Variants in IQGAP2 observed in about 807,000 individuals in gnomAD.
IQGAP2 encodes IQ motif containing GTPase activating protein 2, also known as ras GTPase-activating-like protein IQGAP2.
IQGAP2 carries 173 observed loss-of-function variants against 201.3 expected under a neutral mutation model. The ratio of observed to expected loss-of-function variants is 0.86; its 90% CI spans 0.76 to 0.98. The LOEUF is 0.98. Ranked by LOEUF, IQGAP2 falls within the 50% of genes least tolerant of loss-of-function variation. The pLI, the probability that IQGAP2 is intolerant of heterozygous loss-of-function variation, is 0.00. For missense variants in IQGAP2, 1,687 were observed against 1,864.8 expected (o/e 0.90, Z 1.76); for synonymous variants, 675 against 673.9 (o/e 1.00, Z -0.03).
chr5:76,559,750 C>T (rs1290098404), intron 2 of IQGAP2, among the ~76,000 whole-genome samples: 2 of 152,158 alleles, frequency 1.3e-5, no homozygotes, highest in Non-Finnish European at 2.9e-5. Context: ...TTCGTGTGGT[C>T]TCCCCAGGTC....
intron 2 of IQGAP2, among the ~76,000 whole-genome samples, chr5:76,492,908 A>G (rs1756646564): frequency 6.6e-6 from 1 of 152,142 alleles, no homozygotes; most frequent in South Asian, 2.1e-4. Context: ...GAAGATTCCA[A>G]CCTGAAGGAA....
At chr5:76,593,530 C>T (rs774656768) in intron 9 of IQGAP2, among the ~76,000 whole-genome samples, 2 of 152,156 alleles carry the variant, frequency 1.3e-5, no homozygotes, top group Non-Finnish European at 2.9e-5. Context: ...GAACAGCAGA[C>T]TCAGGTAATT....
At chr5:76,694,552 A>G (rs1449360715) in intron 31 of IQGAP2, among the ~76,000 whole-genome samples, 1 of 152,228 alleles carries the variant, frequency 6.6e-6, no homozygotes, top group African/African-American at 2.4e-5. Context: ...AAATGGGTAT[A>G]ATAATAGTAC....
chr5:76,478,186 G>C (rs1241038949), intron 2 of IQGAP2, among the ~76,000 whole-genome samples: 1 of 152,082 alleles, frequency 6.6e-6, no homozygotes, highest in African/African-American at 2.4e-5. Flanking sequence ...GATCACCTGA[G>C]GCCAAGAGTT....
In IQGAP2 at chr5:76,606,316, C is replaced by T. The variant is rs765484991; in HGVS notation, c.1357+13C>T. The T allele has an allele frequency of 1.9e-6, 3 of 1,578,526 alleles. No homozygotes were observed. Among genetic ancestry groups the T allele is most frequent in the South Asian group, 2.4e-5 (2 of 83,292 alleles). On this transcript the variant is annotated intron_variant, in intron 12 of 35. Coordinates refer to ENST00000274364, the MANE Select transcript of IQGAP2 (RefSeq NM_006633.5). The stretch of plus-strand genomic sequence containing the variant: ...GAAGAAAATGACCGTAAGTATAAGA[C>T]ACTTTCCTTCTCTAGCATAGTGGGA...
chr5:76,454,597 C>T (rs1753961292), intron 1 of IQGAP2, among the ~76,000 whole-genome samples: 1 of 151,946 alleles, frequency 6.6e-6, no homozygotes, highest in South Asian at 2.1e-4. Flanking sequence ...CCAGTTTCAT[C>T]CATGTCCCTA....
chr5:76,655,339 A>G (rs1194801587), intron 20 of IQGAP2, among the ~76,000 whole-genome samples: 1 of 152,158 alleles, frequency 6.6e-6, no homozygotes, highest in Non-Finnish European at 1.5e-5. Flanking sequence ...AAATAACCTT[A>G]TATTTAAATT....
Position 76,450,509 on chromosome 5 carries a change from TGGAGGTAATAATA to T in IQGAP2, c.47-11047_47-11035del, listed in dbSNP as rs748260332. Among the ~76,000 whole-genome samples, 45 of 152,290 alleles carry T rather than the reference TGGAGGTAATAATA, an allele frequency of 3.0e-4. 1 individual carries two copies. Among genetic ancestry groups the T allele is most frequent in the Non-Finnish European group, 1.6e-4 (11 of 68,030 alleles). The stretch of plus-strand genomic sequence containing the variant: ...TTAACCCATTTGAATCTTAGTTAAG[TGGAGGTAATAATA>T]GGAGGTAATAATATTTGTCCCATCT... On this transcript the variant is annotated intron_variant, in intron 1 of 35. Coordinates refer to ENST00000274364, the MANE Select transcript of IQGAP2 (RefSeq NM_006633.5).
At position 76,549,320 on chromosome 5, in the gene IQGAP2, AGT is replaced by A. The variant is rs35060845; in HGVS notation, c.147-13050_147-13049del. Among the ~76,000 whole-genome samples, 981 of 147,642 alleles carry A rather than the reference AGT, an allele frequency of 6.6e-3. 3 individuals are homozygous for A. Among genetic ancestry groups the A allele is most frequent in the South Asian group, 0.012 (55 of 4,602 alleles). On this transcript the variant is annotated intron_variant, in intron 2 of 35. Coordinates refer to ENST00000274364, the MANE Select transcript of IQGAP2 (RefSeq NM_006633.5). ...TTCAGTCTCAGGCGTCGAGCTCTGG[AGT>A]GTGTGTGTGTGTGTGTGTGTGTGTG... is the stretch of plus-strand genomic sequence containing the variant.
At chr5:76,503,536 C>G (rs1161941889) in intron 2 of IQGAP2, among the ~76,000 whole-genome samples, 2 of 151,746 alleles carry the variant, frequency 1.3e-5, no homozygotes, top group African/African-American at 4.8e-5. Context: ...TGTTGTCATA[C>G]CTTCCTGTGT....
At chr5:76,523,439 C>T (rs1758803664) in intron 2 of IQGAP2, among the ~76,000 whole-genome samples, 1 of 152,086 alleles carries the variant, frequency 6.6e-6, no homozygotes, top group Non-Finnish European at 1.5e-5. Flanking sequence ...TGTTCATTAG[C>T]AATCTCGCCA....
rs751353245 is a variant in IQGAP2, at chr5:76,592,845, G to A, written c.827G>A (p.Cys276Tyr). 2 of 1,604,682 alleles carry A rather than the reference G, an allele frequency of 1.2e-6. No individual in the cohort carries two copies. Among genetic ancestry groups the A allele is most frequent in the Non-Finnish European group, 1.7e-6 (2 of 1,171,728 alleles). Residue 276 changes from cysteine to tyrosine, a missense_variant, in exon 9 of 36, where the codon TGT becomes TAT. Cys to Tyr is a radical substitution (Grantham distance 194). Transcript: ENST00000274364. The part of the protein sequence containing the change: ...KEENARLKNS[C>Y]ISEEERDAYE... The stretch of plus-strand genomic sequence containing the variant: ...GAAGACTTTGTTTTGCAGAATAGCT[G>A]TATTTCAGAAGAAGAAAGAGATGCT...
chr5:76,694,319 C>T (rs1472215), intron 31 of IQGAP2, among the ~76,000 whole-genome samples: 99,855 of 151,916 alleles, frequency 0.66, 33,116 homozygotes, highest in Non-Finnish European at 0.68. Flanking sequence ...TCAAATCACA[C>T]GTTTGTTAAT....
chr5:76,611,053 T>C lies in IQGAP2; in HGVS notation c.1391T>C (p.Ile464Thr), dbSNP rs764282035. The change falls in exon 13 of 36, where the codon ATT becomes ACT. Residue 464 changes from isoleucine (I) to threonine (T), a missense_variant. Coordinates refer to ENST00000274364, the MANE Select transcript of IQGAP2 (RefSeq NM_006633.5). ...GCTGTAGGGTACATCAATGAAGCTA[T>C]TGATGAAGGGAATCCTTTGAGGACT... ...VVAVGYINEA[I>T]DEGNPLRTLE... is the part of the protein sequence containing the mutation. 9 of 1,613,626 alleles carry C rather than the reference T, an allele frequency of 5.6e-6. No individual in the cohort carries two copies. The highest frequency in any genetic ancestry group is 1.7e-5 in the Admixed American group (1 of 59,922).
At position 76,707,380 on chromosome 5, in the gene IQGAP2, T is replaced by C; in HGVS notation, c.*67T>C. 1 of 792,848 alleles carries C rather than the reference T, an allele frequency of 1.3e-6. No individual in the cohort carries two copies. The highest frequency in any genetic ancestry group is 1.5e-5 in the South Asian group (1 of 65,948). The allele number at this position is 792,848 out of a possible 1,614,324, so 49.1% of individuals were successfully genotyped here. On this transcript the variant is annotated 3_prime_UTR_variant, in exon 36 of 36. Transcript: ENST00000274364. ...AGGAAATGAATTTGTTTAATATTTT[T>C]GTTTTTAAACATGATTGAAATCACT...
At chr5:76,706,747 GATC>G (rs1392122493) in intron 35 of IQGAP2, among the ~76,000 whole-genome samples, 2 of 152,164 alleles carry the variant, frequency 1.3e-5, no homozygotes, top group African/African-American at 4.8e-5. Context: ...TTAACTTAAT[GATC>G]ATCATTTACT....
intron 1 of IQGAP2, among the ~76,000 whole-genome samples, chr5:76,440,416 A>C (rs1752959397): frequency 6.6e-6 from 1 of 152,138 alleles, no homozygotes; most frequent in Non-Finnish European, 1.5e-5. Flanking sequence ...AAATTTTAAA[A>C]ATACATTAAT....
At chr5:76,520,013 A>C (rs765861447) in intron 2 of IQGAP2, among the ~76,000 whole-genome samples, 23 of 152,002 alleles carry the variant, frequency 1.5e-4, no homozygotes, top group Non-Finnish European at 2.9e-4. Context: ...GAATCTTTCA[A>C]AGAGCAAAAG....
At chr5:76,690,625 AT>A (rs1341471787) in intron 30 of IQGAP2, among the ~76,000 whole-genome samples, 1 of 152,204 alleles carries the variant, frequency 6.6e-6, no homozygotes, top group East Asian at 1.9e-4. Flanking sequence ...GCCACATGTA[AT>A]TTTAACTTTT....
Sources: allele counts gnomAD v4.1 joint callset (sites outside exome capture counted in the v4.1 genomes callset), GRCh38; gene constraint gnomAD v4.1.1; transcripts MANE v1.5; gene names NCBI Gene and HGNC (gene_info 2026-07-23, HGNC 2026-07-21).